Variants in RNF166 observed in about 807,000 individuals in gnomAD.
The protein encoded by RNF166 is ring finger protein 166.
RNF166 carries 19 observed loss-of-function variants against 29.4 expected under a neutral mutation model. The observed-to-expected ratio is 0.65, with a 90% CI of 0.45 to 0.95. The LOEUF is 0.95. Among genes scored for constraint, RNF166 ranks in the 40% least tolerant of loss-of-function variants. RNF166 has a pLI of 0.00. For missense variants in RNF166, 347 were observed against 322.1 expected, an observed-to-expected ratio of 1.08 and a Z score of -0.59; for synonymous variants, 171 against 134.5, an observed-to-expected ratio of 1.27 and a Z score of -1.88.
chr16:88,702,758 G>A (rs1174717470), intron 1 of RNF166: 123 of 985,264 alleles, frequency 1.2e-4, no homozygotes, highest in Non-Finnish European at 1.4e-4. Flanking sequence ...TAAAGAGGTC[G>A]CTCACTTTAC....
At chr16:88,700,717 G>A (rs578005577) in intron 2 of RNF166, 86 of 987,680 alleles carry the variant, frequency 8.7e-5, no homozygotes, top group African/African-American at 7.1e-4. Context: ...CACGGGGCAC[G>A]GGCCAGGCAC....
intron 1 of RNF166, chr16:88,704,023 G>C: frequency 1.0e-6 from 1 of 985,482 alleles, no homozygotes; most frequent in Admixed American, 6.1e-5. Context: ...GCTGAGAACA[G>C]CTCCTGCTGG....
chr16:88,704,516 A>G, intron 1 of RNF166: 1 of 985,464 alleles, frequency 1.0e-6, no homozygotes, highest in Non-Finnish European at 1.2e-6. Context: ...AAGAAGGGCA[A>G]AGACCAATTT....
At chr16:88,702,866 C>T (rs1382826984) in intron 1 of RNF166, 2 of 985,522 alleles carry the variant, frequency 2.0e-6, no homozygotes, top group Non-Finnish European at 2.4e-6. Flanking sequence ...CCGCCTACTT[C>T]ACCCGTTCAC....
At chr16:88,702,881 G>A in intron 1 of RNF166, 9 of 985,538 alleles carry the variant, frequency 9.1e-6, no homozygotes, top group Non-Finnish European at 1.1e-5. Flanking sequence ...GTTCACGGGA[G>A]GAAGGTGCTG....
At chr16:88,704,269 CAGAG>C in intron 1 of RNF166, 2 of 985,400 alleles carry the variant, frequency 2.0e-6, no homozygotes, top group Non-Finnish European at 2.4e-6. Flanking sequence ...AAGTTAGAAG[CAGAG>C]AGAGAACAGC....
In RNF166 at chr16:88,702,064, G is replaced by A. The variant is rs577969704; in HGVS notation, c.156-646C>T. On this transcript the variant is annotated intron_variant, in intron 1 of 5. Coordinates refer to ENST00000312838, the MANE Select transcript of RNF166 (RefSeq NM_178841.4). ...CCCTGGCTCTTGGCACTGCCCCTGG[G>A]GACACCACATCGTGAGGACAGACTG... Among the ~76,000 whole-genome samples, 350 of 152,174 alleles carry A rather than the reference G, an allele frequency of 2.3e-3. 2 individuals are homozygous for A. Among genetic ancestry groups the A allele is most frequent in the African/African-American group, 8.2e-3 (340 of 41,506 alleles).
chr16:88,697,847 G>T, intron 5 of RNF166: 1 of 537,446 alleles, frequency 1.9e-6, no homozygotes, highest in Non-Finnish European at 3.4e-6. Flanking sequence ...CTGGGTACGG[G>T]GGCACTCGGA....
In RNF166 at chr16:88,699,517, C is replaced by T. The variant is rs115558065; in HGVS notation, c.425+103G>A. ...CACTTCCCCAGAGTGGACCCGGCCCCGGGTGACTCCCCCAGCCTCTCTGGG... is the reference window on the plus strand; with the variant it reads ...CACTTCCCCAGAGTGGACCCGGCCCTGGGTGACTCCCCCAGCCTCTCTGGG... On this transcript the variant is annotated intron_variant, in intron 3 of 5. Transcript: ENST00000312838. The T allele has an allele frequency of 1.3e-3, 1,174 of 901,876 alleles. 12 individuals are homozygous for T. The African/African-American group carries it at 0.017, about 13-fold the overall frequency. The allele number at this position is 901,876 out of a possible 1,614,324, so 55.9% of individuals were successfully genotyped here. A position where few individuals can be genotyped will look rare whatever the true frequency, so the allele number is the denominator to read the frequency against.
In RNF166 at chr16:88,696,881, C is replaced by A; in HGVS notation, c.*687G>T. On this transcript the variant is annotated 3_prime_UTR_variant, in exon 6 of 6. Coordinates refer to ENST00000312838, the MANE Select transcript of RNF166 (RefSeq NM_178841.4). Reference sequence around the variant, plus strand: ...AGACCCCACAGCAGACCCCATGGCTCGCCTGAGCTCTGGCAGCTGCCCCAC... The same window carrying A: ...AGACCCCACAGCAGACCCCATGGCTAGCCTGAGCTCTGGCAGCTGCCCCAC... 2 of 246,588 alleles carry A rather than the reference C, an allele frequency of 8.1e-6. No individual in the cohort carries two copies. Among genetic ancestry groups the A allele is most frequent in the South Asian group, 4.0e-5 (1 of 24,974 alleles). 15.3% of individuals were successfully genotyped at this position (246,588 alleles called of 1,614,324 possible).
At position 88,699,657 on chromosome 16, in the gene RNF166, A is replaced by C; in HGVS notation, c.388T>G (p.Phe130Val). ...VQEQMANCPK[F>V]VPVVPTSQPI... ...TGTGATGTGGGCACCACGGGGACGAACTTGGGGCAGTTGGCCATCTGCTCC... is the reference window on the plus strand; with the variant it reads ...TGTGATGTGGGCACCACGGGGACGACCTTGGGGCAGTTGGCCATCTGCTCC... Residue 130 changes from phenylalanine (F) to valine (V), a missense_variant, in exon 3 of 6, where the codon TTC (phenylalanine) becomes GTC (valine). Coordinates refer to ENST00000312838, the MANE Select transcript of RNF166 (RefSeq NM_178841.4). 1 of 1,613,488 alleles carries C rather than the reference A, an allele frequency of 6.2e-7. No individual in the cohort carries two copies. The highest frequency in any genetic ancestry group is 8.5e-7 in the Non-Finnish European group (1 of 1,179,884).
Position 88,697,438 on chromosome 16 carries a change from C to G in RNF166, c.*130G>C. On this transcript the variant is annotated 3_prime_UTR_variant, in exon 6 of 6. Coordinates refer to ENST00000312838, the MANE Select transcript of RNF166 (RefSeq NM_178841.4). ...GGCCCGGAGGCTCGGCCCCGGCTCC[C>G]CTTCTGCGCGGGTGCAGGCTCCTCC... 1.5e-6 allele frequency: 1 copy of G among 668,456 alleles called. No individual in the cohort carries two copies. Among genetic ancestry groups the G allele is most frequent in the East Asian group, 2.9e-5 (1 of 33,912 alleles). The allele number at this position is 668,456 out of a possible 1,614,324, so 41.4% of individuals were successfully genotyped here.
Position 88,699,742 on chromosome 16 carries a change from A to G in RNF166, c.313-10T>C. 14 of 1,603,472 alleles carry G rather than the reference A, an allele frequency of 8.7e-6. No individual in the cohort carries two copies. The highest frequency in any genetic ancestry group is 1.2e-5 in the Non-Finnish European group (14 of 1,172,370). On this transcript the variant is annotated splice_polypyrimidine_tract_variant and intron_variant, in intron 2 of 5. Coordinates refer to ENST00000312838, the MANE Select transcript of RNF166 (RefSeq NM_178841.4). ...TCTTTGCCAGGGTCACCTAGGAGAC[A>G]GGGCAGGGAGGGCAAGGCGGTCCTG...
At chr16:88,703,975 T>C (rs1052953988) in intron 1 of RNF166, 1 of 985,374 alleles carries the variant, frequency 1.0e-6, no homozygotes, top group African/African-American at 1.7e-5. Context: ...CACAGGCTTC[T>C]GGTTACAGAG....
At chr16:88,698,939 C>G in intron 4 of RNF166, 32 bp downstream of exon 4, 1 of 1,481,636 alleles carries the variant, frequency 6.7e-7, no homozygotes, top group Non-Finnish European at 9.2e-7. Context: ...CCTCCCCTGG[C>G]GCAGGCGTCG....
At position 88,701,297 on chromosome 16, in the gene RNF166, A is replaced by T; in HGVS notation, c.277T>A (p.Ser93Thr). 6.2e-7 allele frequency: 1 copy of T among 1,613,772 alleles called. No individual in the cohort carries two copies. The highest frequency in any genetic ancestry group is 8.5e-7 in the Non-Finnish European group (1 of 1,179,942). ...CAGCCTCGACAGGGCGCTTTGTAGG[A>T]TGAGAGCTGCTTCTCCACGTGGGTG... Reference protein sequence around the residue: ...KATHVEKQLSSYKAPCRGCNK... With the variant: ...KATHVEKQLSTYKAPCRGCNK... The change falls in exon 2 of 6, where the codon TCC becomes ACC. Residue 93 changes from serine to threonine, a missense_variant. Transcript: ENST00000312838.
In RNF166 at chr16:88,699,800, G is replaced by C. The variant is rs77365672; in HGVS notation, c.313-68C>G. The C allele has an allele frequency of 8.1e-3, 9,089 of 1,119,230 alleles. 51 individuals are homozygous for C. The highest frequency in any genetic ancestry group is 0.024 in the Middle Eastern group (111 of 4,710). The allele number at this position is 1,119,230 out of a possible 1,614,324, so 69.3% of individuals were successfully genotyped here. A position where few individuals can be genotyped will look rare whatever the true frequency, so the allele number is the denominator to read the frequency against. Reference sequence around the variant, plus strand: ...GGAAGGGCCGTCCTGGGGAGGCCGAGACCTCAGGTGTCCAGGACCAGAGAA... The same window carrying C: ...GGAAGGGCCGTCCTGGGGAGGCCGACACCTCAGGTGTCCAGGACCAGAGAA... On this transcript the variant is annotated intron_variant, in intron 2 of 5. Coordinates refer to ENST00000312838, the MANE Select transcript of RNF166 (RefSeq NM_178841.4).
At chr16:88,704,661 G>A (rs943785355) in intron 1 of RNF166, among the ~76,000 whole-genome samples, 8 of 151,990 alleles carry the variant, frequency 5.3e-5, no homozygotes, top group African/African-American at 1.2e-4. Flanking sequence ...GAGAAGGTGC[G>A]GAACACACCT....
chr16:88,702,682 C>T lies in RNF166; in HGVS notation c.156-1264G>A, dbSNP rs115229354. 4.3e-3 allele frequency: 4,192 copies of T among 985,086 alleles called. 83 individuals carry two copies. In the African/African-American group the frequency reaches 0.048, roughly 11 times the overall value. The allele number at this position is 985,086 out of a possible 1,614,324, so 61.0% of individuals were successfully genotyped here. A position where few individuals can be genotyped will look rare whatever the true frequency, so the allele number is the denominator to read the frequency against. ...GGCTGGTGGCTCCCACATGAAACTT[C>T]GTGTGAGAGAAAGCGGGACTCAGCT... On this transcript the variant is annotated intron_variant, in intron 1 of 5. Coordinates refer to ENST00000312838, the MANE Select transcript of RNF166 (RefSeq NM_178841.4).
Sources: allele counts gnomAD v4.1 joint callset (sites outside exome capture counted in the v4.1 genomes callset), GRCh38; gene constraint gnomAD v4.1.1; transcripts MANE v1.5; gene names NCBI Gene and HGNC (gene_info 2026-07-23, HGNC 2026-07-21).